Variants in ADAMTS18 observed in about 807,000 individuals in gnomAD.
ADAMTS18 encodes the protein ADAM metallopeptidase with thrombospondin type 1 motif 18.
Under a neutral mutation model 165.9 loss-of-function variants are expected in ADAMTS18, and 157 were observed. The ratio of observed to expected loss-of-function variants is 0.95; its 90% CI spans 0.83 to 1.08. ADAMTS18 has a LOEUF of 1.08. ADAMTS18 is among the 50% of genes least tolerant of loss of function. ADAMTS18 has a pLI of 0.00. For missense variants in ADAMTS18, 2,040 were observed against 1,534.0 expected (o/e 1.33, Z -5.51); for synonymous variants, 782 against 578.2 (o/e 1.35, Z -5.06).
intron 3 of ADAMTS18, among the ~76,000 whole-genome samples, chr16:77,420,659 G>T (rs1390371896): frequency 1.3e-5 from 2 of 152,258 alleles, no homozygotes; most frequent in East Asian, 3.9e-4. Flanking sequence ...GGAAAACAAT[G>T]ACAAAAGGAA....
At chr16:77,369,700 T>C (rs530743578) in intron 3 of ADAMTS18, among the ~76,000 whole-genome samples, 37 of 152,328 alleles carry the variant, frequency 2.4e-4, no homozygotes, top group African/African-American at 8.2e-4. Context: ...TTGCAAACTA[T>C]TGAAAACAAA....
chr16:77,298,913 T>C (rs1433570138), intron 17 of ADAMTS18, among the ~76,000 whole-genome samples: 1 of 152,270 alleles, frequency 6.6e-6, no homozygotes, highest in Non-Finnish European at 1.5e-5. Flanking sequence ...CTGTGAGTCA[T>C]GCGAAGGGGT....
intron 3 of ADAMTS18, among the ~76,000 whole-genome samples, chr16:77,392,160 C>T (rs13337360): frequency 0.047 from 7,114 of 152,260 alleles, 242 homozygotes; most frequent in African/African-American, 0.079. Flanking sequence ...TCGCGTGATA[C>T]CATCCACTCC....
At chr16:77,330,237 A>C (rs1035945651) in intron 12 of ADAMTS18, among the ~76,000 whole-genome samples, 2 of 152,234 alleles carry the variant, frequency 1.3e-5, no homozygotes, top group African/African-American at 4.8e-5. Flanking sequence ...GAGTTAGCAG[A>C]CAATTCTTTC....
intron 9 of ADAMTS18, among the ~76,000 whole-genome samples, chr16:77,355,623 C>A (rs2056617956): frequency 6.6e-6 from 1 of 152,128 alleles, no homozygotes; most frequent in Non-Finnish European, 1.5e-5. Flanking sequence ...AGTCTTCTGT[C>A]TGCAACTTAC....
rs1455601716 is a variant in ADAMTS18, at chr16:77,362,121, T to A, written c.1200A>T (p.Glu400Asp). 6.2e-7 allele frequency: 1 copy of A among 1,614,092 alleles called. No homozygotes were observed. The highest frequency in any genetic ancestry group is 8.5e-7 in the Non-Finnish European group (1 of 1,180,004). The stretch of plus-strand genomic sequence containing the variant: ...ATACCATACCTAGAGTGTCACATGG[T>A]TCATTCTTCCAAGAACAAATATCAA... ...TGFDICSWKN[E>D]PCDTLGFAPI... Residue 400 changes from glutamate (E) to aspartate (D), a missense_variant, in exon 7 of 23, where the codon GAA becomes GAT. Glu to Asp is a conservative substitution (Grantham distance 45). Transcript: ENST00000282849.
chr16:77,365,516 G>A (rs192483476), intron 4 of ADAMTS18, among the ~76,000 whole-genome samples: 1 of 152,264 alleles, frequency 6.6e-6, no homozygotes, highest in African/African-American at 2.4e-5. Flanking sequence ...GCATAGTTGG[G>A]GATGATATTA....
At chr16:77,365,179 A>AAACAACAAC (rs10680519) in intron 4 of ADAMTS18, among the ~76,000 whole-genome samples, 114,468 of 151,522 alleles carry the variant, frequency 0.76, 44,039 homozygotes, top group African/African-American at 0.91. Flanking sequence ...ATTTCATCTC[A>AAACAACAAC]AACAACAAAA....
In ADAMTS18 at chr16:77,319,753, T is replaced by C. The variant is rs531204287; in HGVS notation, c.2532+96A>G. ...CCACCATGCCCGGCCAGGAAACACC[T>C]TTGAACTAGAAGGACTGGAGTTCTG... is the stretch of plus-strand genomic sequence containing the variant. On this transcript the variant is annotated intron_variant, in intron 16 of 22. Transcript: ENST00000282849. The C allele has an allele frequency of 6.3e-5, 101 of 1,598,106 alleles. No individual in the cohort carries two copies. In the East Asian group the frequency reaches 9.6e-4, roughly 15 times the overall value.
chr16:77,302,998 A>T (rs903975747), intron 16 of ADAMTS18, among the ~76,000 whole-genome samples: 2 of 152,156 alleles, frequency 1.3e-5, no homozygotes, highest in Non-Finnish European at 2.9e-5. Context: ...AAAATTATCA[A>T]TGCAACCAAC....
At chr16:77,424,170 G>A (rs756991039) in intron 3 of ADAMTS18, among the ~76,000 whole-genome samples, 1 of 150,632 alleles carries the variant, frequency 6.6e-6, no homozygotes, top group African/African-American at 2.5e-5. Context: ...GGTCATACCC[G>A]AAAAGGCAGG....
intron 16 of ADAMTS18, among the ~76,000 whole-genome samples, chr16:77,304,459 TC>T (rs1489968362): frequency 6.6e-6 from 1 of 152,314 alleles, no homozygotes; most frequent in African/African-American, 2.4e-5. Context: ...AGACACTGTC[TC>T]AAAAACAAAA....
At chr16:77,418,214 C>G (rs941634154) in intron 3 of ADAMTS18, among the ~76,000 whole-genome samples, 2 of 152,192 alleles carry the variant, frequency 1.3e-5, no homozygotes, top group Non-Finnish European at 2.9e-5. Flanking sequence ...TACATAGTCT[C>G]AGCAGCTAAG....
intron 16 of ADAMTS18, among the ~76,000 whole-genome samples, chr16:77,314,753 C>CATATATATATATATATATAT (rs36191323): frequency 8.1e-4 from 30 of 36,896 alleles, no homozygotes; most frequent in Non-Finnish European, 1.2e-3. Flanking sequence ...TCTCAGGTTT[C>CATATATATATATATATATAT]ATATATATAT....
intron 16 of ADAMTS18, among the ~76,000 whole-genome samples, chr16:77,305,818 A>G (rs1364631408): frequency 6.6e-6 from 1 of 152,206 alleles, no homozygotes; most frequent in Non-Finnish European, 1.5e-5. Context: ...AGAGGTGTGC[A>G]TAGAACCACC....
chr16:77,430,227 T>C (rs1272940306), intron 3 of ADAMTS18, among the ~76,000 whole-genome samples: 1 of 152,186 alleles, frequency 6.6e-6, no homozygotes, highest in African/African-American at 2.4e-5. Context: ...AACCATGTTA[T>C]AATATATAGG....
chr16:77,413,246 C>T (rs745335865), intron 3 of ADAMTS18, among the ~76,000 whole-genome samples: 1 of 152,136 alleles, frequency 6.6e-6, no homozygotes, highest in Admixed American at 6.5e-5. Context: ...TGAGAAAACC[C>T]TCCCCTACTT....
chr16:77,381,896 G>A (rs1051034556), intron 3 of ADAMTS18, among the ~76,000 whole-genome samples: 3 of 152,204 alleles, frequency 2.0e-5, no homozygotes, highest in Non-Finnish European at 2.9e-5. Context: ...TGGAGACACT[G>A]AGAAAGCTTC....
At chr16:77,409,922 C>A (rs1450788470) in intron 3 of ADAMTS18, among the ~76,000 whole-genome samples, 1 of 151,984 alleles carries the variant, frequency 6.6e-6, no homozygotes, top group African/African-American at 2.4e-5. Context: ...CTAATATTAC[C>A]GTACTAGAAT....
Sources: allele counts gnomAD v4.1 joint callset (sites outside exome capture counted in the v4.1 genomes callset), GRCh38; gene constraint gnomAD v4.1.1; transcripts MANE v1.5; gene names NCBI Gene and HGNC (gene_info 2026-07-23, HGNC 2026-07-21).